The following C1orf167 variants were observed in gnomAD, a reference collection of about 807,000 sequenced individuals.
C1orf167 encodes the protein chromosome 1 open reading frame 167, also known as uncharacterized protein C1orf167.
In C1orf167, 153 loss-of-function variants were observed where a neutral mutation model predicts 176.5. The observed-to-expected ratio is 0.87, with a 90% CI of 0.76 to 0.99. The LOEUF (loss-of-function observed/expected upper bound fraction) is 0.99. Ranked by LOEUF, C1orf167 falls within the 50% of genes least tolerant of loss-of-function variation. The pLI, the probability that C1orf167 is intolerant of heterozygous loss-of-function variation, is 0.00. For synonymous variants in C1orf167, 594 were observed against 752.7 expected (o/e 0.79, Z 3.45); for missense variants, 1,490 against 1,817.7 (o/e 0.82, Z 3.28).
chr1:11,788,468 C>A, intron 19 of C1orf167, 90 bp downstream of exon 19: 1 of 1,184,122 alleles, frequency 8.4e-7, no homozygotes, highest in Non-Finnish European at 1.1e-6. Flanking sequence ...GCCCTTGGAC[C>A]TACTGACTCC....
At position 11,787,479 on chromosome 1, in the gene C1orf167, C is replaced by G. The variant is rs755921837; in HGVS notation, c.3659C>G (p.Thr1220Arg). The G allele has an allele frequency of 9.2e-6, 12 of 1,302,514 alleles. No individual in the cohort carries two copies. Among genetic ancestry groups the G allele is most frequent in the South Asian group, 6.2e-5 (5 of 80,902 alleles). 80.7% of individuals were successfully genotyped at this position (1,302,514 alleles called of 1,614,324 possible). The change falls in exon 17 of 21, where the codon ACG (threonine) becomes AGG (arginine). Residue 1220 changes from threonine to arginine, a missense_variant. Physicochemically the swap from Thr to Arg is moderately conservative, Grantham distance 71. Transcript: ENST00000688073. ...GGTGGACGGAGGAAGCCAAGGGGAACGGCCTGGGCTCAGAGTAAGGAGACC... is the reference window on the plus strand; with the variant it reads ...GGTGGACGGAGGAAGCCAAGGGGAAGGGCCTGGGCTCAGAGTAAGGAGACC... The part of the protein sequence containing the change: ...SLGGRRKPRG[T>R]AWAQRCREHS...
At chr1:11,764,651 G>T (rs923457838) in intron 2 of C1orf167, among the ~76,000 whole-genome samples, 181 bp downstream of exon 2, 2 of 152,238 alleles carry the variant, frequency 1.3e-5, no homozygotes, top group Non-Finnish European at 2.9e-5. Flanking sequence ...AAGGAGGGGG[G>T]TCTTGGGAGA....
At chr1:11,780,249 G>C (rs1375829298) in intron 13 of C1orf167, among the ~76,000 whole-genome samples, 1 of 152,232 alleles carries the variant, frequency 6.6e-6, no homozygotes, top group Non-Finnish European at 1.5e-5. Flanking sequence ...AAATGCAGTT[G>C]ATCAGAGAGG....
rs940664765 is a variant in C1orf167, at chr1:11,766,056, T to C, written c.270T>C (p.Thr90=). 13 of 1,289,734 alleles carry C rather than the reference T, an allele frequency of 1.0e-5. No homozygotes were observed. The highest frequency in any genetic ancestry group is 2.1e-4 in the Middle Eastern group (1 of 4,718). 79.9% of individuals were successfully genotyped at this position (1,289,734 alleles called of 1,614,324 possible). The change falls in exon 3 of 21, where the codon ACT becomes ACC. Residue 90 remains threonine, a synonymous_variant. Coordinates refer to ENST00000688073, the MANE Select transcript of C1orf167 (RefSeq NM_001010881.2). This position sits in a 1 kb window ranked among gnomAD's most constrained non-coding sequence, Gnocchi z 4.5. ...TGGGCCTAGCTCTGAAGGACACGAC[T>C]GGCCAACTGGTCAATTCAAGCTTCT... ...PRLGLALKDT[T]GQLVNSSFWQ...
chr1:11,774,724 G>A (rs1443111853), intron 8 of C1orf167, among the ~76,000 whole-genome samples: 2 of 152,190 alleles, frequency 1.3e-5, no homozygotes, highest in African/African-American at 2.4e-5. Context: ...TCAGCACCTG[G>A]TTGGCTGTGG....
At chr1:11,765,745 T>C (rs933595558) in intron 2 of C1orf167, 112 bp from the exon 3 acceptor site, 5 of 1,025,422 alleles carry the variant, frequency 4.9e-6, no homozygotes, top group Non-Finnish European at 6.2e-6. Flanking sequence ...AAGTCTTAGC[T>C]CCCTCCCGCT....
chr1:11,765,950 C>A lies in C1orf167; in HGVS notation c.164C>A (p.Ala55Asp). The A allele has an allele frequency of 7.9e-7, 1 of 1,267,536 alleles. No individual in the cohort carries two copies. Among genetic ancestry groups the A allele is most frequent in the Non-Finnish European group, 1.0e-6 (1 of 975,618 alleles). The allele number at this position is 1,267,536 out of a possible 1,614,324, so 78.5% of individuals were successfully genotyped here. Reference sequence around the variant, plus strand: ...TGCCAGGTGGAGAGGGGAGGGCCTGCTGCCACACCCTCCCCAGGGGCAGTG... The same window carrying A: ...TGCCAGGTGGAGAGGGGAGGGCCTGATGCCACACCCTCCCCAGGGGCAGTG... The part of the protein sequence containing the change: ...PGCQVERGGP[A>D]ATPSPGAVLD... Residue 55 changes from alanine (A) to aspartate (D), a missense_variant, in exon 3 of 21, where the codon GCT (alanine) becomes GAT (aspartate). Physicochemically the swap from Ala to Asp is moderately radical, Grantham distance 126 (BLOSUM62 -2). Coordinates refer to ENST00000688073, the MANE Select transcript of C1orf167 (RefSeq NM_001010881.2).
intron 8 of C1orf167, 66 bp downstream of exon 8, chr1:11,772,325 G>C (rs940945637): frequency 8.2e-7 from 1 of 1,225,550 alleles, no homozygotes; most frequent in Non-Finnish European, 1.1e-6. Flanking sequence ...AAGTACAGTG[G>C]CACCATCTTG....
chr1:11,778,871 G>C, intron 11 of C1orf167, 55 bp downstream of exon 11: 1 of 1,293,956 alleles, frequency 7.7e-7, no homozygotes, highest in South Asian at 1.2e-5. Context: ...GATGGGTGGA[G>C]ATTGTGGGAA....
In C1orf167 at chr1:11,788,379, G is replaced by A. The variant is rs577635601; in HGVS notation, c.4078+1G>A. 1.5e-6 allele frequency: 2 copies of A among 1,290,396 alleles called. No homozygotes were observed. The highest frequency in any genetic ancestry group is 1.5e-5 in the African/African-American group (1 of 65,576). 79.9% of individuals were successfully genotyped at this position (1,290,396 alleles called of 1,614,324 possible). A position where few individuals can be genotyped will look rare whatever the true frequency, so the allele number is the denominator to read the frequency against. ...GGCAGAGCAGCTGGTGCGGACCCTG[G>A]TGAGTGGGTGCACCCCTCTCCACAC... On this transcript the variant is annotated splice_donor_variant, in intron 19 of 20. Transcript: ENST00000688073. LOFTEE classifies it high-confidence loss of function.
chr1:11,778,590 G>A (rs1643439764), intron 10 of C1orf167, 70 bp from the exon 11 acceptor site: 3 of 1,209,532 alleles, frequency 2.5e-6, no homozygotes, highest in Non-Finnish European at 3.2e-6. Context: ...GGGTAGGGTA[G>A]CCCCTGCTTG....
chr1:11,784,949 G>A (rs755783695), intron 15 of C1orf167, among the ~76,000 whole-genome samples, 199 bp from the exon 16 acceptor site: 4 of 152,206 alleles, frequency 2.6e-5, no homozygotes, highest in Non-Finnish European at 5.9e-5. Context: ...GCTTGTCCCC[G>A]TCTGTGATTT....
At chr1:11,775,968 TAACTG>T (rs1276411884) in intron 9 of C1orf167, among the ~76,000 whole-genome samples, 1 of 152,054 alleles carries the variant, frequency 6.6e-6, no homozygotes, top group Non-Finnish European at 1.5e-5. Flanking sequence ...CCCCAAAACT[TAACTG>T]GGGGCCCGGT....
chr1:11,770,076 GC>G (rs1392046062), intron 6 of C1orf167, among the ~76,000 whole-genome samples: 2 of 151,728 alleles, frequency 1.3e-5, no homozygotes, highest in African/African-American at 4.8e-5. Context: ...TCCTTTCATA[GC>G]CCCCTCCCTG....
chr1:11,766,458 C>T lies in C1orf167; in HGVS notation c.672C>T (p.Pro224=), dbSNP rs1386564950. 7.8e-7 allele frequency: 1 copy of T among 1,286,882 alleles called. No individual in the cohort carries two copies. The highest frequency in any genetic ancestry group is 1.2e-5 in the South Asian group (1 of 80,648). 79.7% of individuals were successfully genotyped at this position (1,286,882 alleles called of 1,614,324 possible). A position where few individuals can be genotyped will look rare whatever the true frequency, so the allele number is the denominator to read the frequency against. Residue 224 remains proline (P), a synonymous_variant, in exon 3 of 21, where the codon CCC becomes CCT. Transcript: ENST00000688073. This position sits in a 1 kb window ranked among gnomAD's most constrained non-coding sequence, Gnocchi z 4.5. ...TCACCCTGGAGGACCTGGCTGTCCC[C>T]AGTCAGAACCAGACTCAGGCCCCAT... ...EPLTLEDLAV[P]SQNQTQAPSR...
rs145704616 is a variant in C1orf167, at chr1:11,779,139, C to T, written c.2651+59C>T. 70 of 1,203,344 alleles carry T rather than the reference C, an allele frequency of 5.8e-5. No individual in the cohort carries two copies. In the Admixed American group the frequency reaches 8.1e-4, roughly 14 times the overall value. 74.5% of individuals were successfully genotyped at this position (1,203,344 alleles called of 1,614,324 possible). A position where few individuals can be genotyped will look rare whatever the true frequency, so the allele number is the denominator to read the frequency against. On this transcript the variant is annotated intron_variant, in intron 12 of 20. Transcript: ENST00000688073. ...TGGACTTACTGTTTCCCGGCCCCTT[C>T]TCCCTTCCACCCTTGGCCTTCACAG...
At chr1:11,787,654 G>C (rs1330766937) in intron 17 of C1orf167, 161 bp downstream of exon 17, 1 of 867,866 alleles carries the variant, frequency 1.2e-6, no homozygotes, top group African/African-American at 1.8e-5. Flanking sequence ...CAGCTGTTCT[G>C]AGAAAACACT....
chr1:11,782,099 G>A, intron 13 of C1orf167, 90 bp from the exon 14 acceptor site: 1 of 1,135,986 alleles, frequency 8.8e-7, no homozygotes, highest in East Asian at 7.9e-5. Flanking sequence ...GTTCCCACCT[G>A]GTAGGGGGCG....
chr1:11,774,342 C>T (rs1643213976), intron 8 of C1orf167, among the ~76,000 whole-genome samples: 1 of 152,138 alleles, frequency 6.6e-6, no homozygotes, highest in Non-Finnish European at 1.5e-5. Context: ...CCACCACGCC[C>T]GGCCTGTTAA....
Sources: allele counts gnomAD v4.1 joint callset (sites outside exome capture counted in the v4.1 genomes callset), GRCh38; gene constraint gnomAD v4.1.1; non-coding constraint Gnocchi (gnomAD v3.1); transcripts MANE v1.5; gene names NCBI Gene and HGNC (gene_info 2026-07-23, HGNC 2026-07-21).